The following PCDH15 variants were observed in gnomAD, a reference collection of about 807,000 sequenced individuals.
The protein encoded by PCDH15 is protocadherin related 15.
In PCDH15, 129 loss-of-function variants were observed where a neutral mutation model predicts 178.5. That is an observed-to-expected ratio of 0.72 (90% CI 0.63 to 0.84). The LOEUF (loss-of-function observed/expected upper bound fraction) is 0.84, where lower values mean the gene tolerates loss of function less well. Ranked by LOEUF, PCDH15 falls within the 40% of genes least tolerant of loss-of-function variation. PCDH15 has a pLI of 0.00. For synonymous variants in PCDH15, 800 were observed against 732.0 expected (o/e 1.09, Z -1.50); for missense variants, 2,230 against 2,099.9 (o/e 1.06, Z -1.21).
chr10:54,363,819 AT>A (rs1280059273), intron 5 of PCDH15, among the ~76,000 whole-genome samples: 1 of 152,216 alleles, frequency 6.6e-6, no homozygotes. Context: ...ATAAATAAAT[AT>A]AATTAAAACT....
intron 1 of PCDH15, among the ~76,000 whole-genome samples, chr10:55,256,216 C>T (rs2132229512): frequency 6.6e-6 from 1 of 152,288 alleles, no homozygotes; most frequent in African/African-American, 2.4e-5. Context: ...AATCCTTTCC[C>T]CATTTCTTGT....
At chr10:55,220,954 T>A (rs1840856736) in intron 1 of PCDH15, among the ~76,000 whole-genome samples, 1 of 152,104 alleles carries the variant, frequency 6.6e-6, no homozygotes, top group Non-Finnish European at 1.5e-5. Flanking sequence ...TTCCATCTGG[T>A]ACGTTCAAGA....
At chr10:55,322,805 G>C (rs1340621036), upstream of PCDH15, among the ~76,000 whole-genome samples, 1 of 99,938 alleles carries the variant, frequency 1.0e-5, no homozygotes, top group Non-Finnish European at 2.1e-5. Flanking sequence ...AAAAAAAAAT[G>C]GGGGGGGAGA....
At chr10:55,581,069 A>T (rs1008182081) in intron 2 of PCDH15, among the ~76,000 whole-genome samples, 2 of 152,168 alleles carry the variant, frequency 1.3e-5, no homozygotes, top group Non-Finnish European at 2.9e-5. Flanking sequence ...ATGTACTAAA[A>T]TTTTATACAA....
intron 2 of PCDH15, among the ~76,000 whole-genome samples, chr10:55,537,676 C>A (rs922642042): frequency 6.6e-6 from 1 of 152,064 alleles, no homozygotes; most frequent in African/African-American, 2.4e-5. Context: ...CCTCATGATC[C>A]ACCCCCGTCG....
At chr10:54,493,640 G>A (rs182681278) in intron 3 of PCDH15, among the ~76,000 whole-genome samples, 4 of 151,186 alleles carry the variant, frequency 2.6e-5, no homozygotes, top group Non-Finnish European at 5.9e-5. Flanking sequence ...TCCCCCACCC[G>A]ACTGTAAACT....
intron 2 of PCDH15, among the ~76,000 whole-genome samples, chr10:55,520,657 T>C (rs528422906): frequency 2.6e-5 from 4 of 151,416 alleles, no homozygotes; most frequent in Admixed American, 1.3e-4. Flanking sequence ...TTAACTTGCC[T>C]ACCAGTGAGC....
At chr10:54,015,484 T>A (rs2092711847) in intron 20 of PCDH15, among the ~76,000 whole-genome samples, 1 of 152,180 alleles carries the variant, frequency 6.6e-6, no homozygotes, top group East Asian at 1.9e-4. Flanking sequence ...GATATCACAT[T>A]TCTTGACTTC....
At chr10:55,473,715 C>T (rs767378646) in intron 2 of PCDH15, among the ~76,000 whole-genome samples, 24 of 151,970 alleles carry the variant, frequency 1.6e-4, no homozygotes, top group Non-Finnish European at 3.4e-4. Flanking sequence ...TTAATAATTC[C>T]ATGTCCACTA....
intron 3 of PCDH15, among the ~76,000 whole-genome samples, chr10:54,457,506 T>C (rs1395712399): frequency 1.3e-5 from 2 of 152,172 alleles, no homozygotes; most frequent in Non-Finnish European, 2.9e-5. Context: ...GTTGGAATGT[T>C]ACCAGATACT....
intron 3 of PCDH15, among the ~76,000 whole-genome samples, chr10:54,878,109 T>C (rs1270275600): frequency 6.6e-6 from 1 of 151,896 alleles, no homozygotes; most frequent in Non-Finnish European, 1.5e-5. Context: ...ATTACAGGCA[T>C]GTGCCATCAT....
At chr10:54,958,351 G>A (rs888614442) in intron 2 of PCDH15, among the ~76,000 whole-genome samples, 9 of 151,716 alleles carry the variant, frequency 5.9e-5, no homozygotes. Flanking sequence ...GGTATCCCAT[G>A]AAATTCAAGG....
intron 3 of PCDH15, among the ~76,000 whole-genome samples, chr10:54,834,832 T>G (rs1023150346): frequency 1.3e-5 from 2 of 152,174 alleles, no homozygotes; most frequent in Admixed American, 1.3e-4. Flanking sequence ...AAAGTGGCAA[T>G]GTTGTTTCTA....
intron 5 of PCDH15, among the ~76,000 whole-genome samples, chr10:54,352,798 C>G (rs1588983198): frequency 6.6e-6 from 1 of 152,104 alleles, no homozygotes; most frequent in Non-Finnish European, 1.5e-5. Context: ...CAAGATAAGG[C>G]AACATTCTGT....
chr10:54,186,569 G>A (rs934750507), intron 11 of PCDH15, among the ~76,000 whole-genome samples: 6 of 151,900 alleles, frequency 3.9e-5, no homozygotes. Context: ...TCATTCTGTA[G>A]TAGCTTCTAT....
chr10:54,251,754 G>C (rs2056491798), intron 8 of PCDH15, among the ~76,000 whole-genome samples: 1 of 152,130 alleles, frequency 6.6e-6, no homozygotes. Context: ...TTATTGTTTA[G>C]AGTCGCAGCT....
intron 3 of PCDH15, among the ~76,000 whole-genome samples, chr10:54,483,760 G>C (rs1301057166): frequency 6.6e-6 from 1 of 151,640 alleles, no homozygotes; most frequent in East Asian, 1.9e-4. Context: ...CAAAAATGTA[G>C]AGAAGAGTAT....
Position 54,079,433 on chromosome 10 carries a change from A to G in PCDH15, c.1998-9T>C. The stretch of plus-strand genomic sequence containing the variant: ...AGGTTAGAATCCCCGTGCTAGTGAC[A>G]AAACAAACAAACAAATAAGACAAAA... On this transcript the variant is annotated splice_polypyrimidine_tract_variant and intron_variant, in intron 16 of 37. Coordinates refer to ENST00000644397, the MANE Select transcript of PCDH15 (RefSeq NM_001384140.1). The G allele has an allele frequency of 6.2e-7, 1 of 1,608,126 alleles. No individual in the cohort carries two copies. The highest frequency in any genetic ancestry group is 8.5e-7 in the Non-Finnish European group (1 of 1,174,516).
At chr10:55,271,197 C>T (rs79404563) in intron 1 of PCDH15, among the ~76,000 whole-genome samples, 2,289 of 152,018 alleles carry the variant, frequency 0.015, 74 homozygotes, top group African/African-American at 0.05. Flanking sequence ...TGTTTCATAC[C>T]TGGATGCAAT....
Sources: gnomAD v4.1 joint callset for allele counts (sites outside exome capture counted in the v4.1 genomes callset) on GRCh38, gnomAD v4.1.1 for gene constraint, MANE v1.5 for transcripts, NCBI Gene and HGNC (gene_info 2026-07-23, HGNC 2026-07-21) for gene names.